The following ATP9B variants were observed in gnomAD, a reference collection of about 807,000 sequenced individuals.
ATP9B encodes the protein probable phospholipid-transporting ATPase IIB.
In ATP9B, 110 loss-of-function variants were observed where a neutral mutation model predicts 146.1. The observed-to-expected ratio is 0.75, with a 90% CI of 0.65 to 0.88. ATP9B has a LOEUF of 0.88. Among genes scored for constraint, ATP9B ranks in the 40% least tolerant of loss-of-function variants. The probability of loss-of-function intolerance (pLI) is 0.00; values close to 1 mark genes in which losing one functional copy is unlikely to be tolerated. For synonymous variants in ATP9B, 604 were observed against 569.7 expected (o/e 1.06, Z -0.86); for missense variants, 1,499 against 1,496.4 (o/e 1.00, Z -0.03).
At chr18:79,109,564 CTTTT>C (rs34940699) in intron 2 of ATP9B, among the ~76,000 whole-genome samples, 3 of 129,868 alleles carry the variant, frequency 2.3e-5, no homozygotes, top group African/African-American at 2.8e-5. Context: ...ATTGAGCTGT[CTTTT>C]TTTTTTTTTT....
At chr18:79,140,961 A>G (rs776181804) in intron 5 of ATP9B, among the ~76,000 whole-genome samples, 1 of 152,218 alleles carries the variant, frequency 6.6e-6, no homozygotes, top group Admixed American at 6.5e-5. Flanking sequence ...TTATTGCTAG[A>G]AAGATTTAGT....
At chr18:79,332,173 TA>T (rs2096793857) in intron 17 of ATP9B, among the ~76,000 whole-genome samples, 1 of 152,270 alleles carries the variant, frequency 6.6e-6, no homozygotes, top group Admixed American at 6.5e-5. Context: ...CTTACGCCTG[TA>T]ATGCCAGCAC....
chr18:79,155,753 C>CTTTTTTTTTTT (rs56002235), intron 7 of ATP9B, among the ~76,000 whole-genome samples: 1 of 74,048 alleles, frequency 1.4e-5, no homozygotes, highest in African/African-American at 6.6e-5. Flanking sequence ...TGTTTTCTCT[C>CTTTTTTTTTTT]TTTTTTTTTT....
At chr18:79,166,751 T>C (rs1202825330) in intron 7 of ATP9B, among the ~76,000 whole-genome samples, 3 of 152,158 alleles carry the variant, frequency 2.0e-5, no homozygotes, top group African/African-American at 7.2e-5. Context: ...GCCACAAACC[T>C]CTATGGCCCG....
intron 7 of ATP9B, among the ~76,000 whole-genome samples, chr18:79,171,467 A>C (rs565136982): frequency 6.6e-6 from 1 of 152,314 alleles, no homozygotes; most frequent in African/African-American, 2.4e-5. Flanking sequence ...AGAGTGAACA[A>C]CACCTTTTTT....
At position 79,359,476 on chromosome 18, in the gene ATP9B, G is replaced by C; in HGVS notation, c.3012+14G>C. 1.9e-6 allele frequency: 3 copies of C among 1,594,190 alleles called. No homozygotes were observed. Among genetic ancestry groups the C allele is most frequent in the Non-Finnish European group, 2.6e-6 (3 of 1,162,262 alleles). Reference sequence around the variant, plus strand: ...GACCTCACCAAGGTACGGGCCTCAGGCAAGCTGTCTGCCTCACGACTAGCA... The same window carrying C: ...GACCTCACCAAGGTACGGGCCTCAGCCAAGCTGTCTGCCTCACGACTAGCA... On this transcript the variant is annotated intron_variant, in intron 26 of 29. Transcript: ENST00000426216.
Position 79,377,256 on chromosome 18 carries a change from T to C in ATP9B, c.3317T>C (p.Phe1106Ser). 6.2e-7 allele frequency: 1 copy of C among 1,611,956 alleles called. No homozygotes were observed. The highest frequency in any genetic ancestry group is 8.5e-7 in the Non-Finnish European group (1 of 1,180,004). Residue 1106 changes from phenylalanine to serine, a missense_variant, in exon 30 of 30, where the codon TTT becomes TCT. Transcript: ENST00000426216. ...VSFGAFLDVAFITTVTFLWKV... is the reference protein window; with the variant it reads ...VSFGAFLDVASITTVTFLWKV... ...TGTTTCCTGCCAACAGATGTTGCCT[T>C]TATCACCACCGTGACCTTCCTGTGG...
At chr18:79,341,214 G>A (rs569300981) in intron 19 of ATP9B, among the ~76,000 whole-genome samples, 49 of 149,312 alleles carry the variant, frequency 3.3e-4, no homozygotes, top group East Asian at 6.0e-4. Flanking sequence ...TGACCTTGTC[G>A]AAGTCTGCAT....
chr18:79,274,606 A>G (rs1041983089), intron 12 of ATP9B, among the ~76,000 whole-genome samples: 1 of 152,176 alleles, frequency 6.6e-6, no homozygotes, highest in African/African-American at 2.4e-5. Context: ...CCCGTGTGGT[A>G]TTATACATGC....
At chr18:79,250,236 C>T (rs1046125437) in intron 11 of ATP9B, among the ~76,000 whole-genome samples, 2 of 152,174 alleles carry the variant, frequency 1.3e-5, no homozygotes, top group East Asian at 1.9e-4. Context: ...CTGGCTTTTA[C>T]AGTTCCTCAC....
Position 79,078,835 on chromosome 18 carries a change from C to T in ATP9B, c.119+9306C>T, listed in dbSNP as rs140693123. Among the ~76,000 whole-genome samples the T allele has an allele frequency of 4.5e-4, 68 of 152,240 alleles. No homozygotes were observed. The East Asian group carries it at 8.1e-3, about 18-fold the overall frequency. ...TAGCCCCCCACACCCCGACAGGCCC[C>T]GGTGTGTGTTGTTCCCCTCCCTGTG... On this transcript the variant is annotated intron_variant, in intron 1 of 29. Transcript: ENST00000426216.
At chr18:79,324,396 G>A (rs1055422842) in intron 15 of ATP9B, among the ~76,000 whole-genome samples, 1 of 152,098 alleles carries the variant, frequency 6.6e-6, no homozygotes, top group East Asian at 1.9e-4. Flanking sequence ...AAAGTGCCCT[G>A]GAGTGTGCCA....
chr18:79,361,596 G>A (rs1462342604), intron 26 of ATP9B: 1 of 181,048 alleles, frequency 5.5e-6, no homozygotes. Flanking sequence ...TATCTGCATT[G>A]TAACTTTTTT....
chr18:79,191,571 C>T (rs979325203), intron 8 of ATP9B, among the ~76,000 whole-genome samples: 1 of 152,176 alleles, frequency 6.6e-6, no homozygotes, highest in Admixed American at 6.5e-5. Flanking sequence ...TTTAGATTCA[C>T]CATCATCTGT....
At chr18:79,137,390 A>G (rs190371809) in intron 5 of ATP9B, among the ~76,000 whole-genome samples, 14 of 152,214 alleles carry the variant, frequency 9.2e-5, no homozygotes, top group African/African-American at 2.9e-4. Context: ...ATATTTTTAT[A>G]TTCCTGCAAA....
chr18:79,152,781 A>C (rs566512554), intron 6 of ATP9B, among the ~76,000 whole-genome samples: 1 of 152,250 alleles, frequency 6.6e-6, no homozygotes, highest in East Asian at 1.9e-4. Context: ...GGGTTTTCTC[A>C]GCGCTATTGA....
rs1416961888 is a variant in ATP9B at position 79,377,320 on chromosome 18, G to C, written c.3381G>C (p.Leu1127=). Residue 1127 remains leucine, a synonymous_variant, in exon 30 of 30, where the codon CTG becomes CTC. Coordinates refer to ENST00000426216, the MANE Select transcript of ATP9B (RefSeq NM_198531.5). ...SAITVVSCLP[L]YVLKYLRRKL... The stretch of plus-strand genomic sequence containing the variant: ...TCACCGTGGTCAGCTGCCTCCCGCT[G>C]TATGTCCTCAAGTACCTGAGGCGCA... The C allele has an allele frequency of 1.2e-6, 2 of 1,612,226 alleles. No individual in the cohort carries two copies. Among genetic ancestry groups the C allele is most frequent in the South Asian group, 1.1e-5 (1 of 91,084 alleles).
At chr18:79,227,852 T>A (rs957493609) in intron 11 of ATP9B, among the ~76,000 whole-genome samples, 2 of 152,244 alleles carry the variant, frequency 1.3e-5, no homozygotes, top group Non-Finnish European at 2.9e-5. Context: ...TTTTATCTGC[T>A]CTGCCCAGGC....
At chr18:79,169,512 G>A (rs910443268) in intron 7 of ATP9B, among the ~76,000 whole-genome samples, 3 of 152,184 alleles carry the variant, frequency 2.0e-5, no homozygotes, top group Non-Finnish European at 4.4e-5. Flanking sequence ...TGGACTCAGC[G>A]TTCCCACGGA....
Sources: gnomAD v4.1 joint callset for allele counts (sites outside exome capture counted in the v4.1 genomes callset) on GRCh38, gnomAD v4.1.1 for gene constraint, MANE v1.5 for transcripts, NCBI Gene and HGNC (gene_info 2026-07-23, HGNC 2026-07-21) for gene names.